The following KDM5A variants were observed in gnomAD, a reference collection of about 807,000 sequenced individuals.
KDM5A encodes the protein lysine-specific demethylase 5A.
A neutral mutation model predicts 193.5 loss-of-function variants in KDM5A; 42 were observed. The observed-to-expected ratio is 0.22, with a 90% CI of 0.17 to 0.28. KDM5A has a LOEUF of 0.28. Among genes scored for constraint, KDM5A ranks in the 10% least tolerant of loss-of-function variants. The probability of loss-of-function intolerance (pLI) is 1.00; values close to 1 mark genes in which losing one functional copy is unlikely to be tolerated. For synonymous variants in KDM5A, 796 were observed against 718.1 expected, an observed-to-expected ratio of 1.11 and a Z score of -1.73; for missense variants, 1,692 against 2,055.1, an observed-to-expected ratio of 0.82 and a Z score of 3.42.
At position 285,255 on chromosome 12, in the gene KDM5A, G is replaced by A. The variant is rs187727537; in HGVS notation, c.*201C>T. ...AAATATTGGCTGTTGTACCAAAGAA[G>A]ACACCCTCTGCATAGATATGTTGAT... On this transcript the variant is annotated 3_prime_UTR_variant, in exon 28 of 28. Coordinates refer to ENST00000399788, the MANE Select transcript of KDM5A (RefSeq NM_001042603.3). The A allele has an allele frequency of 2.3e-5, 14 of 600,162 alleles. No homozygotes were observed. The highest frequency in any genetic ancestry group is 3.0e-6 in the Non-Finnish European group (1 of 336,532). The allele number at this position is 600,162 out of a possible 1,614,324, so 37.2% of individuals were successfully genotyped here. A position where few individuals can be genotyped will look rare whatever the true frequency, so the allele number is the denominator to read the frequency against.
chr12:349,661 A>G (rs1365466009), intron 10 of KDM5A, among the ~76,000 whole-genome samples: 1 of 151,382 alleles, frequency 6.6e-6, no homozygotes, highest in East Asian at 2.0e-4. Flanking sequence ...AGGCAAAAAT[A>G]TTAAACTGGA....
rs570152150 is a variant in KDM5A at position 381,477 on chromosome 12, C to T, written c.366+2554G>A. On this transcript the variant is annotated intron_variant, in intron 3 of 27. Coordinates refer to ENST00000399788, the MANE Select transcript of KDM5A (RefSeq NM_001042603.3). ...CAAACACATTCAGAATCTTAAACAG[C>T]ATCATACAGCAAAACTTAGTAGGTA... Among the ~76,000 whole-genome samples the T allele has an allele frequency of 8.5e-4, 129 of 152,208 alleles. 1 individual carries two copies. The highest frequency in any genetic ancestry group is 4.4e-3 in the South Asian group (21 of 4,822).
chr12:295,409 G>A (rs1201653497), intron 26 of KDM5A, among the ~76,000 whole-genome samples, 164 bp downstream of exon 26: 1 of 152,096 alleles, frequency 6.6e-6, no homozygotes, highest in African/African-American at 2.4e-5. Context: ...CAGGGAGGCA[G>A]GCAAGCCAGC....
At chr12:369,353 C>G (rs1198637258) in intron 3 of KDM5A, among the ~76,000 whole-genome samples, 1 of 152,126 alleles carries the variant, frequency 6.6e-6, no homozygotes. Flanking sequence ...TTCTAGGTAC[C>G]TGGGATACAT....
At chr12:352,470 AC>A (rs1324485229) in intron 8 of KDM5A, 146 bp from the exon 9 acceptor site, 1 of 721,220 alleles carries the variant, frequency 1.4e-6, no homozygotes, top group Non-Finnish European at 2.4e-6. Context: ...TCAGCTACTT[AC>A]AATACCGTAT....
At position 333,650 on chromosome 12, in the gene KDM5A, C is replaced by A. The variant is rs1168545222; in HGVS notation, c.1491-1G>T. 6.2e-7 allele frequency: 1 copy of A among 1,614,040 alleles called. No individual in the cohort carries two copies. The highest frequency in any genetic ancestry group is 8.5e-7 in the Non-Finnish European group (1 of 1,179,922). ...ACCATACCATGTCTTTGGCTCCCCC[C>A]TAGCAAAAGAAGTAACTGTTTAGCT... is the stretch of plus-strand genomic sequence containing the variant. On this transcript the variant is annotated splice_acceptor_variant, in intron 11 of 27. Coordinates refer to ENST00000399788, the MANE Select transcript of KDM5A (RefSeq NM_001042603.3). LOFTEE classifies it high-confidence loss of function.
chr12:341,840 C>T (rs1387868323), intron 10 of KDM5A, among the ~76,000 whole-genome samples: 1 of 150,214 alleles, frequency 6.7e-6, no homozygotes, highest in East Asian at 1.9e-4. Flanking sequence ...GTGGAGGCTG[C>T]AGTGAACCAA....
At chr12:287,467 T>C (rs1028398297) in intron 27 of KDM5A, among the ~76,000 whole-genome samples, 1 of 149,634 alleles carries the variant, frequency 6.7e-6, no homozygotes, top group Admixed American at 6.7e-5. Flanking sequence ...CTCACCAAAA[T>C]GTTCCTATTG....
chr12:338,463 G>A (rs987244661), intron 10 of KDM5A, among the ~76,000 whole-genome samples: 5 of 152,192 alleles, frequency 3.3e-5, no homozygotes, highest in African/African-American at 1.2e-4. Flanking sequence ...AACCCACTGA[G>A]AGAATACCCT....
At chr12:325,720 T>C (rs979446455) in intron 14 of KDM5A, among the ~76,000 whole-genome samples, 3 of 149,398 alleles carry the variant, frequency 2.0e-5, no homozygotes, top group Admixed American at 6.7e-5. Context: ...CATATAACTA[T>C]GAAGGAAACG....
In KDM5A at chr12:307,146, T is replaced by G; in HGVS notation, c.3931-57A>C. ...AAGACATGCTAAACAGACAGGGTAA[T>G]TAATGTGTGCTTAAGATCACCAAAA... On this transcript the variant is annotated intron_variant, in intron 23 of 27. Transcript: ENST00000399788. This position sits in a 1 kb window ranked among gnomAD's most constrained non-coding sequence, Gnocchi z 4.3. The G allele has an allele frequency of 6.2e-7, 1 of 1,602,282 alleles. No homozygotes were observed.
chr12:322,945 A>G (rs1316986453), intron 16 of KDM5A, 137 bp downstream of exon 16: 3 of 1,133,350 alleles, frequency 2.6e-6, no homozygotes, highest in African/African-American at 3.1e-5. Context: ...TCTATATTCA[A>G]TCAACCCATT....
intron 18 of KDM5A, among the ~76,000 whole-genome samples, chr12:318,961 A>G (rs1943683164): frequency 6.6e-6 from 1 of 152,224 alleles, no homozygotes; most frequent in Non-Finnish European, 1.5e-5. Flanking sequence ...TTGGGGAGGA[A>G]CTACAAGAGG....
At position 296,259 on chromosome 12, in the gene KDM5A, T is replaced by C. The variant is rs147271697; in HGVS notation, c.4235-466A>G. On this transcript the variant is annotated intron_variant, in intron 25 of 27. Transcript: ENST00000399788. ...ATCTCTTGAACTAGGCAGGGGGAGG[T>C]TGCAGTGAGCCAAGATCACGCCATT... Among the ~76,000 whole-genome samples the C allele has an allele frequency of 6.7e-3, 1,014 of 150,656 alleles. 18 individuals carry two copies. Among genetic ancestry groups the C allele is most frequent in the African/African-American group, 0.024 (986 of 40,902 alleles).
chr12:295,926 G>A (rs1943365648), intron 25 of KDM5A, 133 bp from the exon 26 acceptor site: 3 of 740,190 alleles, frequency 4.1e-6, no homozygotes, highest in Non-Finnish European at 7.0e-6. Flanking sequence ...CATTATATCA[G>A]TATGAAAATG....
chr12:299,174 T>C (rs1943410037), intron 24 of KDM5A, among the ~76,000 whole-genome samples: 1 of 152,018 alleles, frequency 6.6e-6, no homozygotes, highest in Admixed American at 6.6e-5. Context: ...CAGGCCAACA[T>C]TCAAATTCAG....
chr12:300,995 C>G (rs569306995), intron 24 of KDM5A, among the ~76,000 whole-genome samples: 1 of 152,282 alleles, frequency 6.6e-6, no homozygotes, highest in Admixed American at 6.5e-5. Context: ...AGTTGAATCC[C>G]TGAATAGACC....
chr12:340,620 G>A (rs778618928), intron 10 of KDM5A, among the ~76,000 whole-genome samples: 5 of 149,766 alleles, frequency 3.3e-5, no homozygotes, highest in Non-Finnish European at 5.9e-5. Flanking sequence ...ACTTGAACCC[G>A]GGAGGCAGAG....
At chr12:286,296 G>T in intron 27 of KDM5A, 5 of 406,166 alleles carry the variant, frequency 1.2e-5, no homozygotes, top group South Asian at 7.5e-5. Context: ...ATCACTCTGG[G>T]GTTTAAAATT....
Sources: allele counts gnomAD v4.1 joint callset (sites outside exome capture counted in the v4.1 genomes callset), GRCh38; gene constraint gnomAD v4.1.1; non-coding constraint Gnocchi (gnomAD v3.1); transcripts MANE v1.5; gene names NCBI Gene and HGNC (gene_info 2026-07-23, HGNC 2026-07-21).